The following HTR4 variants were observed in gnomAD, a reference collection of about 807,000 sequenced individuals.
HTR4 encodes 5-hydroxytryptamine receptor 4, also known as 5-hydroxytryptamine (serotonin) receptor 4, G protein-coupled.
A neutral mutation model predicts 36.8 loss-of-function variants in HTR4; 16 were observed. That is an observed-to-expected ratio of 0.43 (90% CI 0.29 to 0.66). The LOEUF is 0.66. Ranked by LOEUF, HTR4 falls within the 30% of genes least tolerant of loss-of-function variation. The pLI, the probability that HTR4 is intolerant of heterozygous loss-of-function variation, is 0.13. For missense variants in HTR4, 438 were observed against 490.9 expected (o/e 0.89, Z 1.02); for synonymous variants, 189 against 185.1 (o/e 1.02, Z -0.17).
intron 5 of HTR4, among the ~76,000 whole-genome samples, chr5:148,460,864 A>G (rs1755260281): frequency 6.6e-6 from 1 of 152,158 alleles, no homozygotes; most frequent in South Asian, 2.1e-4. Flanking sequence ...ACATCCTGAT[A>G]AATCCATCAT....
downstream of HTR4, chr5:148,476,741 A>C (rs1301132372): frequency 3.1e-6 from 5 of 1,613,462 alleles, no homozygotes; most frequent in Non-Finnish European, 4.2e-6. Flanking sequence ...CAAGGAGCTC[A>C]AAATCTGGTA....
rs921082629 is a variant in HTR4 at position 148,521,457 on chromosome 5, T to C, written c.507+1736A>G. Among the ~76,000 whole-genome samples the C allele has an allele frequency of 5.9e-5, 9 of 152,052 alleles. No homozygotes were observed. The South Asian group carries it at 1.9e-3, about 32-fold the overall frequency. ...GCCTTACTGCCTTCAAGCTGTGATA[T>C]CAGTTTTTCCTGCCTTTGGACTCAA... On this transcript the variant is annotated intron_variant, in intron 5 of 6. Transcript: ENST00000377888.
intron 5 of HTR4, among the ~76,000 whole-genome samples, chr5:148,469,579 T>TC (rs930880345): frequency 1.3e-5 from 2 of 152,174 alleles, no homozygotes; most frequent in African/African-American, 4.8e-5. Flanking sequence ...AACAATAAGT[T>TC]CCTACACGGG....
At chr5:148,570,823 T>C (rs1760643812) in intron 2 of HTR4, among the ~76,000 whole-genome samples, 1 of 147,116 alleles carries the variant, frequency 6.8e-6, no homozygotes, top group Non-Finnish European at 1.5e-5. Context: ...GTGTTGTTTA[T>C]GTGTGTGTGG....
intron 1 of HTR4, chr5:148,646,448 C>T (rs1298990860): frequency 6.6e-6 from 1 of 152,182 alleles, no homozygotes; most frequent in African/African-American, 2.4e-5. Context: ...TGCTAATGAT[C>T]ATATCCAATT....
chr5:148,579,117 A>C (rs1445325167), intron 2 of HTR4, among the ~76,000 whole-genome samples: 2 of 152,106 alleles, frequency 1.3e-5, no homozygotes, highest in East Asian at 3.9e-4. Flanking sequence ...GTTTCTGCCA[A>C]TTTAATTTGG....
intron 2 of HTR4, among the ~76,000 whole-genome samples, chr5:148,551,687 GGAA>G (rs1470266896): frequency 6.6e-6 from 1 of 152,128 alleles, no homozygotes; most frequent in Non-Finnish European, 1.5e-5. Flanking sequence ...GGTCCACATT[GGAA>G]GAAGAATTGT....
chr5:148,608,092 A>T (rs571090225), intron 2 of HTR4, among the ~76,000 whole-genome samples: 41 of 152,226 alleles, frequency 2.7e-4, no homozygotes, highest in African/African-American at 9.6e-4. Flanking sequence ...TCTATCCAAA[A>T]ATACATTCTT....
intron 1 of HTR4, among the ~76,000 whole-genome samples, chr5:148,652,844 A>C (rs1754080124): frequency 6.6e-6 from 1 of 152,124 alleles, no homozygotes; most frequent in African/African-American, 2.4e-5. Flanking sequence ...ATGATTAAGA[A>C]ATGACTTGCT....
chr5:148,596,754 C>A (rs755295148), intron 2 of HTR4, among the ~76,000 whole-genome samples: 1 of 152,166 alleles, frequency 6.6e-6, no homozygotes, highest in Non-Finnish European at 1.5e-5. Context: ...TCTTCCTACA[C>A]AAACTCTGAT....
intron 6 of HTR4, chr5:148,484,388 T>A (rs535877156): frequency 1.9e-6 from 3 of 1,608,216 alleles, no homozygotes; most frequent in East Asian, 2.2e-5. Context: ...TCCTAGCAGA[T>A]AAAGAAATTA....
intron 6 of HTR4, among the ~76,000 whole-genome samples, chr5:148,486,737 A>T (rs949432024): frequency 1.3e-5 from 2 of 152,144 alleles, no homozygotes; most frequent in African/African-American, 4.8e-5. Context: ...TTTATATTCC[A>T]TGTGGAGGGA....
At chr5:148,530,535 A>G (rs1758511580) in intron 4 of HTR4, among the ~76,000 whole-genome samples, 1 of 152,234 alleles carries the variant, frequency 6.6e-6, no homozygotes, top group South Asian at 2.1e-4. Context: ...CAGAGGATGT[A>G]TGGAAATGCC....
intron 2 of HTR4, among the ~76,000 whole-genome samples, chr5:148,613,831 A>C (rs1295879034): frequency 6.6e-6 from 1 of 151,938 alleles, no homozygotes. Context: ...ACTTCAGCAA[A>C]GTCTCAGGAT....
intron 5 of HTR4, among the ~76,000 whole-genome samples, chr5:148,515,291 G>A (rs186836670): frequency 4.6e-5 from 7 of 152,038 alleles, no homozygotes; most frequent in Non-Finnish European, 7.4e-5. Flanking sequence ...CATGCCCCAC[G>A]CCTGCCTTTT....
At chr5:148,639,946 A>G (rs1753672736) in intron 1 of HTR4, among the ~76,000 whole-genome samples, 1 of 152,108 alleles carries the variant, frequency 6.6e-6, no homozygotes, top group South Asian at 2.1e-4. Context: ...GCCCTTTACT[A>G]CGTGTTAATA....
chr5:148,609,182 G>A (rs1464677951), intron 2 of HTR4, among the ~76,000 whole-genome samples: 3 of 152,162 alleles, frequency 2.0e-5, no homozygotes, highest in Non-Finnish European at 4.4e-5. Context: ...ACTTATAATG[G>A]CATTGCATTG....
intron 5 of HTR4, chr5:148,451,330 A>G: frequency 6.2e-7 from 1 of 1,610,902 alleles, no homozygotes; most frequent in Non-Finnish European, 8.5e-7. Context: ...ACTGCACCGA[A>G]GTCAAGAGCA....
At position 148,548,766 on chromosome 5, in the gene HTR4, G is replaced by C; in HGVS notation, c.255C>G (p.Ile85Met). The C allele has an allele frequency of 6.2e-7, 1 of 1,614,042 alleles. No individual in the cohort carries two copies. Among genetic ancestry groups the C allele is most frequent in the East Asian group, 2.2e-5 (1 of 44,838 alleles). ...PFGAIELVQD[I>M]WIYGEVFCLV... The stretch of plus-strand genomic sequence containing the variant: ...GACAAAACACCTCCCCATAAATCCA[G>C]ATGTCTTGAACCAGCTCAATGGCAC... Residue 85 changes from isoleucine to methionine, a missense_variant, in exon 4 of 7, where the codon ATC (isoleucine) becomes ATG (methionine). Coordinates refer to ENST00000377888, the MANE Select transcript of HTR4 (RefSeq NM_000870.7).
Sources: gnomAD v4.1 joint callset for allele counts (sites outside exome capture counted in the v4.1 genomes callset) on GRCh38, gnomAD v4.1.1 for gene constraint, MANE v1.5 for transcripts, NCBI Gene and HGNC (gene_info 2026-07-23, HGNC 2026-07-21) for gene names.